Variants in LRP1B observed in about 807,000 individuals in gnomAD.
The protein encoded by LRP1B is LDL receptor related protein 1B.
In LRP1B, 217 loss-of-function variants were observed where a neutral mutation model predicts 556.6. The observed-to-expected ratio is 0.39, with a 90% CI of 0.35 to 0.44. The LOEUF is 0.44. Among genes scored for constraint, LRP1B ranks in the 20% least tolerant of loss-of-function variants. LRP1B has a pLI of 1.00. For missense variants in LRP1B, 5,053 were observed against 5,620.8 expected, an observed-to-expected ratio of 0.90 and a Z score of 3.23; for synonymous variants, 2,047 against 1,865.8, an observed-to-expected ratio of 1.10 and a Z score of -2.50.
At chr2:141,478,533 C>CCTCCCTCT (rs1553519692) in intron 3 of LRP1B, among the ~76,000 whole-genome samples, 2 of 147,168 alleles carry the variant, frequency 1.4e-5, no homozygotes, top group Non-Finnish European at 3.0e-5. Context: ...TCCCTCCCTC[C>CCTCCCTCT]CTCTCTCTCT....
intron 1 of LRP1B, among the ~76,000 whole-genome samples, chr2:141,918,351 G>GA (rs962830224): frequency 7.3e-5 from 11 of 150,814 alleles, no homozygotes; most frequent in South Asian, 4.2e-4. Context: ...GTATAGCATA[G>GA]AAAAAAAAAC....
chr2:141,824,082 C>G (rs4662537), intron 1 of LRP1B, among the ~76,000 whole-genome samples: 4,142 of 152,068 alleles, frequency 0.027, 79 homozygotes, highest in Middle Eastern at 0.11. Context: ...TTTTAATGTC[C>G]TTTTTGTAAC....
At position 141,705,353 on chromosome 2, in the gene LRP1B, C is replaced by T. The variant is rs925939094; in HGVS notation, c.205+104926G>A. 2.0e-5 allele frequency among the ~76,000 whole-genome samples: 3 copies of T among 151,802 alleles called. No homozygotes were observed. In the South Asian group the frequency reaches 6.2e-4, roughly 31 times the overall value. On this transcript the variant is annotated intron_variant, in intron 2 of 90. Coordinates refer to ENST00000389484, the MANE Select transcript of LRP1B (RefSeq NM_018557.3). ...CTCATAGGATTTATGTGGGGAAAGC[C>T]CTTTATATAGGGTGATCAATCCATC...
rs112883413 is a variant in LRP1B, at chr2:141,135,479, T to C, written c.1013+52942A>G. ...TCAACAAAACCAACACATATTGTCA[T>C]AGGGACAAACAAATTAACGTTTGAA... On this transcript the variant is annotated intron_variant, in intron 7 of 90. Coordinates refer to ENST00000389484, the MANE Select transcript of LRP1B (RefSeq NM_018557.3). Among the ~76,000 whole-genome samples the C allele has an allele frequency of 2.4e-3, 371 of 152,076 alleles. 3 individuals are homozygous for C. Among genetic ancestry groups the C allele is most frequent in the African/African-American group, 7.5e-3 (311 of 41,540 alleles).
At chr2:141,021,381 G>GAATC (rs5834798) in intron 11 of LRP1B, among the ~76,000 whole-genome samples, 45,634 of 151,660 alleles carry the variant, frequency 0.3, 6,876 homozygotes, top group East Asian at 0.46. Context: ...CCATTACAGT[G>GAATC]AATCAGATAT....
At chr2:142,019,273 A>G (rs1703253119) in intron 1 of LRP1B, among the ~76,000 whole-genome samples, 1 of 152,184 alleles carries the variant, frequency 6.6e-6, no homozygotes, top group Non-Finnish European at 1.5e-5. Context: ...ATGCAAGTCT[A>G]TGGTGTGTGA....
chr2:141,230,949 A>C (rs1683437553), intron 5 of LRP1B, among the ~76,000 whole-genome samples: 1 of 152,184 alleles, frequency 6.6e-6, no homozygotes, highest in African/African-American at 2.4e-5. Context: ...TCTAGAGAAA[A>C]AGCGTAGAAC....
intron 7 of LRP1B, among the ~76,000 whole-genome samples, chr2:141,167,604 T>C (rs1680326304): frequency 6.6e-6 from 1 of 151,844 alleles, no homozygotes; most frequent in Non-Finnish European, 1.5e-5. Flanking sequence ...ATAGGTGATA[T>C]ATATATCATA....
chr2:141,511,891 C>T (rs2890613), intron 2 of LRP1B, among the ~76,000 whole-genome samples: 8,517 of 152,188 alleles, frequency 0.056, 445 homozygotes, highest in East Asian at 0.13. Flanking sequence ...CCTGTGAACA[C>T]TACAAATAAA....
intron 3 of LRP1B, among the ~76,000 whole-genome samples, chr2:141,353,730 T>G (rs183419685): frequency 6.6e-6 from 1 of 151,956 alleles, no homozygotes; most frequent in East Asian, 1.9e-4. Context: ...ATTGTGACTT[T>G]TGGTGTATCT....
chr2:141,414,971 T>C (rs1029479873), intron 3 of LRP1B, among the ~76,000 whole-genome samples: 1 of 152,202 alleles, frequency 6.6e-6, no homozygotes, highest in Non-Finnish European at 1.5e-5. Flanking sequence ...CCTCCTTAGC[T>C]GAACAGCCTC....
At chr2:141,471,282 T>A (rs202023467) in intron 3 of LRP1B, among the ~76,000 whole-genome samples, 1 of 113,844 alleles carries the variant, frequency 8.8e-6, no homozygotes, top group Non-Finnish European at 1.9e-5. Context: ...TTTTTTTTTT[T>A]TTTTTTTTTT....
intron 1 of LRP1B, among the ~76,000 whole-genome samples, chr2:142,031,120 C>T (rs1703676437): frequency 6.6e-6 from 1 of 151,682 alleles, no homozygotes; most frequent in South Asian, 2.1e-4. Context: ...CACAAGTCTT[C>T]TGTTTATTAT....
intron 41 of LRP1B, among the ~76,000 whole-genome samples, chr2:140,654,025 CAAAAAAA>C (rs61199077): frequency 2.0e-4 from 7 of 35,394 alleles, no homozygotes; most frequent in South Asian, 9.9e-4. Flanking sequence ...GACTCCATCT[CAAAAAAA>C]AAAAAAAAAA....
chr2:141,736,216 G>A (rs1308441484), intron 2 of LRP1B, among the ~76,000 whole-genome samples: 1 of 152,100 alleles, frequency 6.6e-6, no homozygotes, highest in African/African-American at 2.4e-5. Flanking sequence ...AATGGCTCTG[G>A]ATGGGCTTGT....
intron 2 of LRP1B, among the ~76,000 whole-genome samples, chr2:141,562,727 G>C (rs1338681856): frequency 6.6e-6 from 1 of 151,942 alleles, no homozygotes; most frequent in Admixed American, 6.6e-5. Context: ...GTATGAGCGT[G>C]CTTAAGAACC....
intron 1 of LRP1B, among the ~76,000 whole-genome samples, chr2:141,930,895 C>A (rs534742044): frequency 6.6e-6 from 1 of 152,114 alleles, no homozygotes; most frequent in African/African-American, 2.4e-5. Flanking sequence ...GATTTTCAAA[C>A]TACTTCTCAT....
At chr2:140,495,495 G>A (rs2104872139) in intron 56 of LRP1B, 70 bp downstream of exon 56, 3 of 1,388,090 alleles carry the variant, frequency 2.2e-6, no homozygotes, top group Admixed American at 1.8e-5. Flanking sequence ...AATTCAATAA[G>A]AACGGCTATA....
chr2:141,184,085 A>T (rs1340433334), intron 7 of LRP1B, among the ~76,000 whole-genome samples: 1 of 152,036 alleles, frequency 6.6e-6, no homozygotes. Flanking sequence ...AATCCTCATT[A>T]GACCCCAATA....
Sources: gnomAD v4.1 joint callset for allele counts (sites outside exome capture counted in the v4.1 genomes callset) on GRCh38, gnomAD v4.1.1 for gene constraint, MANE v1.5 for transcripts, NCBI Gene and HGNC (gene_info 2026-07-23, HGNC 2026-07-21) for gene names.